The following NRCAM variants were observed in gnomAD, a reference collection of about 807,000 sequenced individuals.
The protein encoded by NRCAM is neuronal cell adhesion molecule.
A neutral mutation model predicts 156.5 loss-of-function variants in NRCAM; 83 were observed. The observed-to-expected ratio is 0.53, with a 90% confidence interval of 0.44 to 0.64. The LOEUF is 0.64. Among genes scored for constraint, NRCAM ranks in the 30% least tolerant of loss-of-function variants. The pLI, the probability that NRCAM is intolerant of heterozygous loss-of-function variation, is 0.00. For synonymous variants in NRCAM, 538 were observed against 563.9 expected (o/e 0.95, Z 0.65); for missense variants, 1,417 against 1,597.3 (o/e 0.89, Z 1.92).
At chr7:108,324,714 C>T (rs188701889) in intron 2 of NRCAM, among the ~76,000 whole-genome samples, 11 of 152,162 alleles carry the variant, frequency 7.2e-5, no homozygotes, top group African/African-American at 2.6e-4. Flanking sequence ...CTTTCAATAA[C>T]GTCTACAAAT....
chr7:108,247,448 C>A (rs1007020057), intron 3 of NRCAM, among the ~76,000 whole-genome samples: 2 of 151,838 alleles, frequency 1.3e-5, no homozygotes, highest in Non-Finnish European at 1.5e-5. Flanking sequence ...TTTCTAGATA[C>A]TTCTCTATAT....
chr7:108,296,495 T>G (rs191683709), intron 3 of NRCAM, among the ~76,000 whole-genome samples: 2 of 152,054 alleles, frequency 1.3e-5, no homozygotes, highest in Admixed American at 6.5e-5. Context: ...ACTGAAGCAG[T>G]AGCAACTCAA....
intron 1 of NRCAM, among the ~76,000 whole-genome samples, chr7:108,449,613 G>C (rs1848125803): frequency 1.3e-5 from 2 of 152,210 alleles, no homozygotes; most frequent in African/African-American, 2.4e-5. Context: ...TGGGAGATTA[G>C]TACTTCCCCT....
chr7:108,242,684 G>A (rs1355477017), intron 3 of NRCAM, among the ~76,000 whole-genome samples: 1 of 152,176 alleles, frequency 6.6e-6, no homozygotes, highest in African/African-American at 2.4e-5. Context: ...AAGGAAAATG[G>A]TTTATTTGTC....
rs192560696 is a variant in NRCAM, at chr7:108,377,727, C to T, written c.-174+21709G>A. Among the ~76,000 whole-genome samples, 493 of 152,242 alleles carry T rather than the reference C, an allele frequency of 3.2e-3. 3 individuals carry two copies. The highest frequency in any genetic ancestry group is 0.011 in the African/African-American group (443 of 41,554). ...CTGAGAATTGACAGCACTTTAAATG[C>T]TCAGAATTTCCCCTCCCAGCAATAT... On this transcript the variant is annotated intron_variant, in intron 2 of 32. Transcript: ENST00000379028.
chr7:108,329,506 T>C (rs1339595213), intron 2 of NRCAM, among the ~76,000 whole-genome samples: 1 of 152,336 alleles, frequency 6.6e-6, no homozygotes, highest in East Asian at 1.9e-4. Flanking sequence ...ATTCACCAGC[T>C]ATGATTCAAG....
intron 1 of NRCAM, among the ~76,000 whole-genome samples, chr7:108,399,929 T>A (rs2154394269): frequency 6.6e-6 from 1 of 152,350 alleles, no homozygotes; most frequent in East Asian, 1.9e-4. Context: ...TATTCTACTC[T>A]GATGCTTCAT....
chr7:108,310,515 C>T (rs958085535), intron 3 of NRCAM, among the ~76,000 whole-genome samples: 9 of 152,130 alleles, frequency 5.9e-5, no homozygotes, highest in African/African-American at 2.2e-4. Flanking sequence ...GTTTGCAAAC[C>T]ACAGTCCACA....
At chr7:108,187,466 T>C (rs1033490010) in intron 20 of NRCAM, among the ~76,000 whole-genome samples, 2 of 152,224 alleles carry the variant, frequency 1.3e-5, no homozygotes, top group Non-Finnish European at 2.9e-5. Context: ...CCTGTCTTGA[T>C]TGACACATTC....
At chr7:108,351,252 C>T (rs531931167) in intron 2 of NRCAM, among the ~76,000 whole-genome samples, 54 of 152,324 alleles carry the variant, frequency 3.5e-4, no homozygotes, top group African/African-American at 1.2e-3. Context: ...AAGGCCTTTA[C>T]CAGATGCAGG....
At chr7:108,234,562 C>T (rs1218125869) in intron 6 of NRCAM, 21 bp downstream of exon 6, 3 of 1,385,742 alleles carry the variant, frequency 2.2e-6, no homozygotes, top group Middle Eastern at 1.8e-4. Flanking sequence ...AGTACTATAA[C>T]AAAGCAGAAT....
chr7:108,315,566 C>T (rs2098902821), intron 2 of NRCAM, among the ~76,000 whole-genome samples: 1 of 152,192 alleles, frequency 6.6e-6, no homozygotes, highest in African/African-American at 2.4e-5. Context: ...TCAGATGGCA[C>T]CCAGAGGGCC....
Position 108,182,861 on chromosome 7 carries a change from C to T in NRCAM, c.2364G>A (p.Gln788=). ...ATGTCCATTCATCATCACCATCTTT[C>T]TGGCGCCAGCTAACTTTGTACTGAA... ...PGLQYKVSWR[Q]KDGDDEWTSV... is the part of the protein sequence containing the mutation. The change falls in exon 23 of 33, where the codon CAG becomes CAA. Residue 788 remains glutamine, a synonymous_variant. Transcript: ENST00000379028. 1 of 1,614,222 alleles carries T rather than the reference C, an allele frequency of 6.2e-7. No individual in the cohort carries two copies. Among genetic ancestry groups the T allele is most frequent in the East Asian group, 2.2e-5 (1 of 44,892 alleles).
At position 108,219,433 on chromosome 7, in the gene NRCAM, T is replaced by C. The variant is rs186192155; in HGVS notation, c.890+4292A>G. Among the ~76,000 whole-genome samples the C allele has an allele frequency of 3.4e-4, 51 of 152,180 alleles. No homozygotes were observed. In the East Asian group the frequency reaches 9.5e-3, roughly 28 times the overall value. On this transcript the variant is annotated intron_variant, in intron 11 of 32. Transcript: ENST00000379028. ...TATGGACTGATATCCCTGAGGAACA[T>C]AGATGCTAAAATCCTTAACAAAATA...
At chr7:108,154,963 G>C (rs1253284706) in intron 32 of NRCAM, among the ~76,000 whole-genome samples, 1 of 151,856 alleles carries the variant, frequency 6.6e-6, no homozygotes, top group African/African-American at 2.4e-5. Context: ...GATGAATTTT[G>C]TAATGAAATA....
rs571500965 is a variant in NRCAM, at chr7:108,247,827, C to G, written c.-106-7657G>C. Among the ~76,000 whole-genome samples the G allele has an allele frequency of 1.2e-4, 19 of 152,326 alleles. No individual in the cohort carries two copies. The South Asian group carries it at 3.7e-3, about 30-fold the overall frequency. ...CTATTCTTCTCACTCTCCCACAAGA[C>G]AGGTAATCTGGAGAAAGGGAGGAAA... is the stretch of plus-strand genomic sequence containing the variant. On this transcript the variant is annotated intron_variant, in intron 3 of 32. Transcript: ENST00000379028.
At chr7:108,210,878 T>C (rs2083848958) in intron 11 of NRCAM, among the ~76,000 whole-genome samples, 1 of 152,130 alleles carries the variant, frequency 6.6e-6, no homozygotes. Context: ...TCAATAGAAA[T>C]GCAAGTGACT....
chr7:108,388,461 C>T (rs914926574), intron 2 of NRCAM, among the ~76,000 whole-genome samples: 12 of 152,108 alleles, frequency 7.9e-5, no homozygotes, highest in Non-Finnish European at 1.5e-4. Flanking sequence ...GGATATTAGC[C>T]CTTTGTCAGA....
chr7:108,176,361 A>C, intron 27 of NRCAM, 69 bp downstream of exon 27: 1 of 1,394,470 alleles, frequency 7.2e-7, no homozygotes, highest in South Asian at 1.2e-5. Context: ...AGAAGGAAAA[A>C]GCATAAACTT....
Sources: allele counts gnomAD v4.1 joint callset (sites outside exome capture counted in the v4.1 genomes callset), GRCh38; gene constraint gnomAD v4.1.1; transcripts MANE v1.5; gene names NCBI Gene and HGNC (gene_info 2026-07-23, HGNC 2026-07-21).